The following PRKCE variants were observed in gnomAD, a reference collection of about 807,000 sequenced individuals.
PRKCE encodes the protein protein kinase C epsilon.
A neutral mutation model predicts 85.4 loss-of-function variants in PRKCE; 16 were observed. The ratio of observed to expected loss-of-function variants is 0.19; its 90% CI spans 0.13 to 0.28. The LOEUF (loss-of-function observed/expected upper bound fraction) is 0.28, where lower values mean the gene tolerates loss of function less well. Among genes scored for constraint, PRKCE ranks in the 10% least tolerant of loss-of-function variants. The pLI, the probability that PRKCE is intolerant of heterozygous loss-of-function variation, is 1.00. For synonymous variants in PRKCE, 388 were observed against 371.5 expected, an observed-to-expected ratio of 1.04 and a Z score of -0.51; for missense variants, 573 against 975.2, an observed-to-expected ratio of 0.59 and a Z score of 5.49.
At chr2:46,174,126 G>A (rs1679184879) in intron 14 of PRKCE, among the ~76,000 whole-genome samples, 1 of 152,234 alleles carries the variant, frequency 6.6e-6, no homozygotes, top group Non-Finnish European at 1.5e-5. Context: ...TCCCTCAGAA[G>A]TGTTTTAGCG....
chr2:45,677,062 C>A (rs1228751969), intron 1 of PRKCE: 2 of 151,518 alleles, frequency 1.3e-5, no homozygotes, highest in Non-Finnish European at 2.9e-5. Context: ...GACATTTCAG[C>A]AGAGACCTGA....
chr2:46,056,778 C>A (rs1666620285), intron 10 of PRKCE, among the ~76,000 whole-genome samples: 4 of 152,136 alleles, frequency 2.6e-5, no homozygotes, highest in Admixed American at 2.6e-4. Context: ...TTAAAGAGAG[C>A]CTTCAAACTT....
intron 2 of PRKCE, among the ~76,000 whole-genome samples, chr2:45,892,299 T>C (rs1363441738): frequency 6.6e-6 from 1 of 152,216 alleles, no homozygotes; most frequent in African/African-American, 2.4e-5. Flanking sequence ...TCCACTTAGA[T>C]GGATGAAGCC....
intron 11 of PRKCE, among the ~76,000 whole-genome samples, chr2:46,100,229 G>T (rs909348228): frequency 2.6e-5 from 4 of 152,170 alleles, no homozygotes; most frequent in Non-Finnish European, 5.9e-5. Flanking sequence ...AACATTCAGA[G>T]ATCCAGGCCC....
intron 10 of PRKCE, among the ~76,000 whole-genome samples, chr2:46,061,067 T>G (rs1252510815): frequency 1.3e-5 from 2 of 151,706 alleles, no homozygotes; most frequent in South Asian, 4.2e-4. Context: ...CGGCCAGATT[T>G]TTTGTCTTTA....
intron 2 of PRKCE, among the ~76,000 whole-genome samples, chr2:45,926,506 G>A (rs534391845): frequency 1.3e-5 from 2 of 152,280 alleles, no homozygotes; most frequent in East Asian, 1.9e-4. Context: ...TGCCCTTAAC[G>A]TAGTACTGGC....
At chr2:46,087,936 G>A (rs968600453) in intron 11 of PRKCE, among the ~76,000 whole-genome samples, 1 of 152,214 alleles carries the variant, frequency 6.6e-6, no homozygotes, top group East Asian at 1.9e-4. Flanking sequence ...TTCAGGGAAG[G>A]TCTGGGCCTT....
chr2:46,079,542 T>A (rs1417524728), intron 10 of PRKCE, among the ~76,000 whole-genome samples: 1 of 152,234 alleles, frequency 6.6e-6, no homozygotes, highest in Non-Finnish European at 1.5e-5. Context: ...TTTCAGAGTG[T>A]GAAGTTAGGA....
chr2:46,081,473 G>T (rs1051300195), intron 10 of PRKCE, among the ~76,000 whole-genome samples: 10 of 152,310 alleles, frequency 6.6e-5, no homozygotes, highest in African/African-American at 1.2e-4. Flanking sequence ...CGGCGGGGAG[G>T]GGAGAAAGTT....
intron 10 of PRKCE, among the ~76,000 whole-genome samples, chr2:46,062,489 G>A (rs141985633): frequency 6.6e-6 from 1 of 152,134 alleles, no homozygotes; most frequent in African/African-American, 2.4e-5. Context: ...CCGGGGATTA[G>A]GACTAGACAC....
At chr2:45,916,832 T>C (rs188223755) in intron 2 of PRKCE, among the ~76,000 whole-genome samples, 313 of 152,282 alleles carry the variant, frequency 2.1e-3, no homozygotes, top group African/African-American at 7.3e-3. Flanking sequence ...GTTACAGCTC[T>C]TAAGGTGACG....
chr2:45,807,401 C>A (rs1414347871), intron 1 of PRKCE, among the ~76,000 whole-genome samples: 1 of 152,210 alleles, frequency 6.6e-6, no homozygotes, highest in Admixed American at 6.5e-5. Flanking sequence ...GCTAATTTCT[C>A]TCAAAAGGCG....
chr2:45,997,048 T>C (rs896940837), intron 6 of PRKCE, among the ~76,000 whole-genome samples: 3 of 152,184 alleles, frequency 2.0e-5, no homozygotes, highest in African/African-American at 7.2e-5. Context: ...TTGTGGCAGA[T>C]TGTGTATTTT....
At chr2:45,915,275 G>C (rs1264988994) in intron 2 of PRKCE, among the ~76,000 whole-genome samples, 1 of 152,148 alleles carries the variant, frequency 6.6e-6, no homozygotes, top group African/African-American at 2.4e-5. Flanking sequence ...AAGGCATGCT[G>C]TTCTTTCAGC....
chr2:45,951,687 T>C (rs904165319), intron 2 of PRKCE, among the ~76,000 whole-genome samples: 1 of 152,220 alleles, frequency 6.6e-6, no homozygotes, highest in Non-Finnish European at 1.5e-5. Context: ...CTGAGCACTT[T>C]TGTACACAAC....
At chr2:45,941,087 AG>A (rs1699847813) in intron 2 of PRKCE, among the ~76,000 whole-genome samples, 1 of 150,152 alleles carries the variant, frequency 6.7e-6, no homozygotes, top group Non-Finnish European at 1.5e-5. Context: ...AAAAAAAAAA[AG>A]ATGATAGGCA....
At chr2:45,660,810 A>G (rs1282359897) in intron 1 of PRKCE, among the ~76,000 whole-genome samples, 4 of 152,220 alleles carry the variant, frequency 2.6e-5, no homozygotes, top group Non-Finnish European at 4.4e-5. Flanking sequence ...CCTGTTTGAG[A>G]TTTAGTTTTC....
chr2:46,071,998 G>A (rs1668121959), intron 10 of PRKCE, among the ~76,000 whole-genome samples: 2 of 152,262 alleles, frequency 1.3e-5, no homozygotes, highest in South Asian at 4.1e-4. Flanking sequence ...ACCTTCCTCC[G>A]ACAGCACAAC....
chr2:45,930,394 C>G (rs978940335), intron 2 of PRKCE, among the ~76,000 whole-genome samples: 6 of 152,192 alleles, frequency 3.9e-5, no homozygotes, highest in African/African-American at 1.4e-4. Context: ...AGTGGCAGAT[C>G]CAAGAAAGTG....
Sources: allele counts gnomAD v4.1 joint callset (sites outside exome capture counted in the v4.1 genomes callset), GRCh38; gene constraint gnomAD v4.1.1; transcripts MANE v1.5; gene names NCBI Gene and HGNC (gene_info 2026-07-23, HGNC 2026-07-21).